ANKRD6: variants seen among roughly 807,000 people sequenced by gnomAD.
ANKRD6 encodes ankyrin repeat domain-containing protein 6.
In ANKRD6, 56 loss-of-function variants were observed where a neutral mutation model predicts 82.3. The observed-to-expected ratio is 0.68, with a 90% confidence interval of 0.55 to 0.85. ANKRD6 has a LOEUF of 0.85. Ranked by LOEUF, ANKRD6 falls within the 40% of genes least tolerant of loss-of-function variation. The probability of loss-of-function intolerance (pLI) is 0.00; values close to 1 mark genes in which losing one functional copy is unlikely to be tolerated. For synonymous variants in ANKRD6, 347 were observed against 352.1 expected, an observed-to-expected ratio of 0.99 and a Z score of 0.16; for missense variants, 852 against 907.6, an observed-to-expected ratio of 0.94 and a Z score of 0.79.
At chr6:89,479,858 A>C (rs1368740576) in intron 1 of ANKRD6, among the ~76,000 whole-genome samples, 1 of 152,178 alleles carries the variant, frequency 6.6e-6, no homozygotes, top group Non-Finnish European at 1.5e-5. Context: ...AAAAATACTG[A>C]CATTCTCAGT....
Position 89,512,467 on chromosome 6 carries a change from GTGTC to G in ANKRD6, c.-143-54363_-143-54360del, listed in dbSNP as rs1780665284. Reference sequence around the variant, plus strand: ...CTTGGTTTTGGTCTCAGAACAATGAGTGTCTGTTTCTAAGTTAGGGGGCGGAGTG... The same window carrying G: ...CTTGGTTTTGGTCTCAGAACAATGAGTGTTTCTAAGTTAGGGGGCGGAGTG... On this transcript the variant is annotated intron_variant, in intron 1 of 15. Transcript: ENST00000339746. 3.3e-5 allele frequency among the ~76,000 whole-genome samples: 5 copies of G among 152,348 alleles called. 1 individual carries two copies. The highest frequency in any genetic ancestry group is 1.2e-4 in the African/African-American group (5 of 41,574).
intron 1 of ANKRD6, among the ~76,000 whole-genome samples, chr6:89,459,305 C>T (rs189819176): frequency 5.3e-5 from 8 of 152,022 alleles, no homozygotes; most frequent in African/African-American, 1.7e-4. Flanking sequence ...CTCGAACTCC[C>T]GACCTCAGGT....
intron 1 of ANKRD6, among the ~76,000 whole-genome samples, chr6:89,471,991 T>TG (rs1775538905): frequency 7.2e-6 from 1 of 139,248 alleles, no homozygotes; most frequent in East Asian, 2.1e-4. Context: ...GGAGAGAAAG[T>TG]GAAGTCATAA....
chr6:89,436,657 G>A (rs1582566399), intron 1 of ANKRD6, among the ~76,000 whole-genome samples: 1 of 152,184 alleles, frequency 6.6e-6, no homozygotes, highest in African/African-American at 2.4e-5. Context: ...GTTACCAGGG[G>A]TAGGGGGAGG....
At chr6:89,551,299 G>A (rs186626442) in intron 1 of ANKRD6, among the ~76,000 whole-genome samples, 11 of 152,150 alleles carry the variant, frequency 7.2e-5, no homozygotes, top group East Asian at 1.9e-4. Context: ...CTTCCTTTGC[G>A]TCTCCTCTCC....
At chr6:89,579,598 A>G (rs1316877105) in intron 2 of ANKRD6, among the ~76,000 whole-genome samples, 1 of 151,960 alleles carries the variant, frequency 6.6e-6, no homozygotes, top group East Asian at 1.9e-4. Context: ...CTCTACTGAA[A>G]ATACAAAAAT....
At chr6:89,593,626 C>T (rs1290630223) in intron 2 of ANKRD6, among the ~76,000 whole-genome samples, 4 of 152,184 alleles carry the variant, frequency 2.6e-5, no homozygotes, top group Non-Finnish European at 5.9e-5. Context: ...TCCTCCATGG[C>T]TCATTACCCA....
intron 1 of ANKRD6, among the ~76,000 whole-genome samples, chr6:89,455,417 A>G (rs748595006): frequency 6.6e-6 from 1 of 151,980 alleles, no homozygotes; most frequent in Non-Finnish European, 1.5e-5. Flanking sequence ...GGTGCCATAT[A>G]CTTTTAAAGA....
intron 1 of ANKRD6, among the ~76,000 whole-genome samples, chr6:89,459,325 G>A (rs1262055206): frequency 6.6e-6 from 1 of 151,950 alleles, no homozygotes; most frequent in Non-Finnish European, 1.5e-5. Context: ...TGATCTGCCC[G>A]CCTCGGCCTC....
intron 1 of ANKRD6, among the ~76,000 whole-genome samples, chr6:89,456,328 C>T (rs1377715989): frequency 2.6e-5 from 4 of 152,136 alleles, no homozygotes; most frequent in Non-Finnish European, 1.5e-5. Flanking sequence ...GCCAGGGCTG[C>T]CATAACAAAG....
At chr6:89,564,046 T>C (rs2128058712) in intron 1 of ANKRD6, among the ~76,000 whole-genome samples, 1 of 152,318 alleles carries the variant, frequency 6.6e-6, no homozygotes, top group Middle Eastern at 3.4e-3. Flanking sequence ...AGGTGAAGGC[T>C]GGAGATCCTA....
rs1215016400 is a variant in ANKRD6, at chr6:89,631,008, C to CA, written c.*6dup. 1.3e-6 allele frequency: 2 copies of CA among 1,506,616 alleles called. No individual in the cohort carries two copies. Among genetic ancestry groups the CA allele is most frequent in the Non-Finnish European group, 1.8e-6 (2 of 1,131,128 alleles). 93.3% of individuals were successfully genotyped at this position (1,506,616 alleles called of 1,614,324 possible). A position where few individuals can be genotyped will look rare whatever the true frequency, so the allele number is the denominator to read the frequency against. On this transcript the variant is annotated 3_prime_UTR_variant, in exon 16 of 16. Transcript: ENST00000339746. ...TAGGGTGCAGAAGGAAAATTAGCAC[C>CA]AATAAAGAGGAAATATGAAAGGATT...
rs542447449 is a variant in ANKRD6, at chr6:89,543,957, A to G, written c.-143-22877A>G. Among the ~76,000 whole-genome samples, 49 of 152,278 alleles carry G rather than the reference A, an allele frequency of 3.2e-4. No individual in the cohort carries two copies. The South Asian group carries it at 1.0e-2, about 31-fold the overall frequency. On this transcript the variant is annotated intron_variant, in intron 1 of 15. Transcript: ENST00000339746. ...CTATTTTGGAATCCTACCATCCCCC[A>G]TTAATTAAAAAGCTCAATACCGTGG... is the stretch of plus-strand genomic sequence containing the variant.
chr6:89,458,028 G>A (rs1773692123), intron 1 of ANKRD6, among the ~76,000 whole-genome samples: 1 of 152,198 alleles, frequency 6.6e-6, no homozygotes. Context: ...AGGATACAAT[G>A]AGCAGATGGT....
At chr6:89,508,086 C>G (rs554890733) in intron 1 of ANKRD6, among the ~76,000 whole-genome samples, 16 of 152,320 alleles carry the variant, frequency 1.1e-4, no homozygotes, top group Admixed American at 3.9e-4. Context: ...CTAGATACCA[C>G]CTGTATTCAT....
intron 9 of ANKRD6, 54 bp from the exon 10 acceptor site, chr6:89,621,868 C>T (rs1476093265): frequency 3.2e-6 from 5 of 1,550,560 alleles, no homozygotes; most frequent in Non-Finnish European, 4.4e-6. Flanking sequence ...AGAATTCTCT[C>T]ACACAGATGC....
chr6:89,542,152 A>G (rs1352922393), intron 1 of ANKRD6, among the ~76,000 whole-genome samples: 1 of 152,212 alleles, frequency 6.6e-6, no homozygotes, highest in Non-Finnish European at 1.5e-5. Context: ...AGAAACAAAC[A>G]TGCCTGTGGT....
chr6:89,490,025 G>A (rs1430708133), intron 1 of ANKRD6, among the ~76,000 whole-genome samples: 1 of 152,202 alleles, frequency 6.6e-6, no homozygotes, highest in Non-Finnish European at 1.5e-5. Context: ...CAGACAACAT[G>A]ACTAATTGTA....
chr6:89,515,118 C>T (rs971699271), intron 1 of ANKRD6, among the ~76,000 whole-genome samples: 2 of 152,160 alleles, frequency 1.3e-5, no homozygotes, highest in Non-Finnish European at 2.9e-5. Context: ...CTATAAATCT[C>T]CTGTCACTGT....
Sources: gnomAD v4.1 joint callset for allele counts (sites outside exome capture counted in the v4.1 genomes callset) on GRCh38, gnomAD v4.1.1 for gene constraint, MANE v1.5 for transcripts, NCBI Gene and HGNC (gene_info 2026-07-23, HGNC 2026-07-21) for gene names.